The following GRM5 variants were observed in gnomAD, a reference collection of about 807,000 sequenced individuals.
The protein encoded by GRM5 is glutamate metabotropic receptor 5, also known as metabotropic glutamate receptor 5.
Under a neutral mutation model 83.1 loss-of-function variants are expected in GRM5, and 19 were observed. The observed-to-expected ratio is 0.23, with a 90% CI of 0.16 to 0.34. GRM5 has a LOEUF of 0.34. Ranked by LOEUF, GRM5 falls within the 10% of genes least tolerant of loss-of-function variation. The pLI, the probability that GRM5 is intolerant of heterozygous loss-of-function variation, is 1.00. For synonymous variants in GRM5, 675 were observed against 633.6 expected (o/e 1.07, Z -0.98); for missense variants, 1,160 against 1,588.3 (o/e 0.73, Z 4.58).
intron 2 of GRM5, among the ~76,000 whole-genome samples, chr11:88,888,998 G>A (rs1945092412): frequency 6.6e-6 from 1 of 152,166 alleles, no homozygotes; most frequent in African/African-American, 2.4e-5. Flanking sequence ...AATGTTTGCT[G>A]ACTTCTTATG....
chr11:88,845,730 C>CCCCA (rs1944294505), intron 3 of GRM5, among the ~76,000 whole-genome samples: 1 of 151,416 alleles, frequency 6.6e-6, no homozygotes, highest in African/African-American at 2.4e-5. Context: ...ACCGCGCCCC[C>CCCCA]CCCCACTTTT....
chr11:88,797,566 C>T (rs1305225124), intron 3 of GRM5, among the ~76,000 whole-genome samples: 1 of 152,174 alleles, frequency 6.6e-6, no homozygotes, highest in Admixed American at 6.5e-5. Context: ...TTCTAATTTG[C>T]TTGAGATGAT....
chr11:88,881,777 GA>G (rs906997814), intron 2 of GRM5, among the ~76,000 whole-genome samples: 4 of 151,154 alleles, frequency 2.6e-5, no homozygotes, highest in South Asian at 2.1e-4. Context: ...ACACAAAACA[GA>G]AAAAAAAATC....
At chr11:88,641,833 A>G (rs1356863824) in intron 4 of GRM5, among the ~76,000 whole-genome samples, 1 of 152,044 alleles carries the variant, frequency 6.6e-6, no homozygotes, top group Non-Finnish European at 1.5e-5. Flanking sequence ...CCATATGGCT[A>G]CTCTCACGGG....
chr11:88,815,326 C>T (rs549373513), intron 3 of GRM5, among the ~76,000 whole-genome samples: 3 of 152,212 alleles, frequency 2.0e-5, no homozygotes, highest in African/African-American at 7.2e-5. Context: ...TATAATAACT[C>T]ATGTGTCAAG....
At position 88,796,784 on chromosome 11, in the gene GRM5, G is replaced by A. The variant is rs1360207052; in HGVS notation, c.911+53122C>T. ...TTTACATAATTCTTTGTCACAAGTT[G>A]ACTTCTGTGAAGATCATGAAGCAAT... On this transcript the variant is annotated intron_variant, in intron 3 of 9. Coordinates refer to ENST00000305447, the MANE Select transcript of GRM5 (RefSeq NM_001143831.3). Among the ~76,000 whole-genome samples the A allele has an allele frequency of 3.3e-5, 5 of 152,054 alleles. 1 individual carries two copies. The South Asian group carries it at 1.0e-3, about 32-fold the overall frequency.
intron 3 of GRM5, among the ~76,000 whole-genome samples, chr11:88,764,103 G>T (rs1591497542): frequency 1.3e-5 from 2 of 151,588 alleles, no homozygotes; most frequent in Admixed American, 1.3e-4. Context: ...CTTTAAATTT[G>T]AAAGTGTCAC....
At chr11:88,964,564 G>A (rs1411039863) in intron 2 of GRM5, among the ~76,000 whole-genome samples, 2 of 152,124 alleles carry the variant, frequency 1.3e-5, no homozygotes, top group African/African-American at 4.8e-5. Flanking sequence ...CAAATAGACA[G>A]ACACCTGCAG....
At chr11:88,530,442 TTTG>T (rs1941981150) in intron 8 of GRM5, among the ~76,000 whole-genome samples, 2 of 152,016 alleles carry the variant, frequency 1.3e-5, no homozygotes, top group Non-Finnish European at 2.9e-5. Flanking sequence ...TGTAAAGATT[TTTG>T]TTGTTGTTGT....
rs1317277381 is a variant in GRM5, at chr11:88,774,244, CT to C, written c.911+75661del. On this transcript the variant is annotated intron_variant, in intron 3 of 9. Coordinates refer to ENST00000305447, the MANE Select transcript of GRM5 (RefSeq NM_001143831.3). ...GAATGGGAGTTCACACATGATTTGG[CT>C]CTCTGTTTGTCTTCATGGTGTAGGG... Among the ~76,000 whole-genome samples, 104 of 139,904 alleles carry C rather than the reference CT, an allele frequency of 7.4e-4. 2 individuals are homozygous for C. The East Asian group carries it at 0.021, about 29-fold the overall frequency. The allele number at this position is 139,904 out of a possible 152,430, so 91.8% of individuals were successfully genotyped here. A position where few individuals can be genotyped will look rare whatever the true frequency, so the allele number is the denominator to read the frequency against.
intron 8 of GRM5, among the ~76,000 whole-genome samples, chr11:88,543,590 GAAAA>G (rs138823034): frequency 7.3e-6 from 1 of 137,034 alleles, no homozygotes; most frequent in Non-Finnish European, 1.6e-5. Flanking sequence ...CAGAGAAGAG[GAAAA>G]AAAAAACCCA....
At chr11:88,937,049 T>A (rs1937923130) in intron 2 of GRM5, among the ~76,000 whole-genome samples, 1 of 151,654 alleles carries the variant, frequency 6.6e-6, no homozygotes, top group South Asian at 2.1e-4. Context: ...ATAGAACAAA[T>A]AAGTAGCATT....
chr11:88,638,832 G>A (rs1939211544), intron 4 of GRM5, among the ~76,000 whole-genome samples: 1 of 151,714 alleles, frequency 6.6e-6, no homozygotes. Context: ...ACCCATTCCT[G>A]ATATTAGTAA....
At chr11:88,953,083 CT>C (rs1938511027) in intron 2 of GRM5, among the ~76,000 whole-genome samples, 1 of 152,068 alleles carries the variant, frequency 6.6e-6, no homozygotes, top group African/African-American at 2.4e-5. Context: ...TTCATTTATC[CT>C]TCTGCAAAGA....
intron 3 of GRM5, among the ~76,000 whole-genome samples, chr11:88,681,896 CT>C (rs1008496531): frequency 4.0e-5 from 6 of 151,844 alleles, no homozygotes; most frequent in Non-Finnish European, 8.8e-5. Context: ...GTTGTATACT[CT>C]TTTCTTTTTG....
chr11:89,056,293 C>A (rs1485890688), intron 1 of GRM5, among the ~76,000 whole-genome samples: 1 of 152,094 alleles, frequency 6.6e-6, no homozygotes, highest in Non-Finnish European at 1.5e-5. Context: ...TGAGAACTAT[C>A]CAATATTCTT....
At chr11:88,872,263 G>A (rs1438743302) in intron 2 of GRM5, among the ~76,000 whole-genome samples, 3 of 151,416 alleles carry the variant, frequency 2.0e-5, no homozygotes, top group African/African-American at 7.3e-5. Flanking sequence ...TAAGATGCAG[G>A]AAACAAGGCA....
chr11:88,864,949 T>C (rs1391655094), intron 2 of GRM5, among the ~76,000 whole-genome samples: 1 of 152,044 alleles, frequency 6.6e-6, no homozygotes, highest in African/African-American at 2.4e-5. Context: ...ATTGGTTTTA[T>C]TTATGTGATG....
rs1184242680 is a variant in GRM5, at chr11:88,506,537, T to C, written c.*2055A>G. 1 of 152,206 alleles carries C rather than the reference T, an allele frequency of 6.6e-6. No individual in the cohort carries two copies. Among genetic ancestry groups the C allele is most frequent in the Non-Finnish European group, 1.5e-5 (1 of 68,024 alleles). 9.4% of individuals were successfully genotyped at this position (152,206 alleles called of 1,614,324 possible). A position where few individuals can be genotyped will look rare whatever the true frequency, so the allele number is the denominator to read the frequency against. ...TTTTAATGAAACCATGAAACTTAGC[T>C]AGATTTCACTTACATTTTAAAAGCC... On this transcript the variant is annotated 3_prime_UTR_variant, in exon 10 of 10. Coordinates refer to ENST00000305447, the MANE Select transcript of GRM5 (RefSeq NM_001143831.3).
Sources: allele counts gnomAD v4.1 joint callset (sites outside exome capture counted in the v4.1 genomes callset), GRCh38; gene constraint gnomAD v4.1.1; transcripts MANE v1.5; gene names NCBI Gene and HGNC (gene_info 2026-07-23, HGNC 2026-07-21).